The following MIEF1 variants were observed in gnomAD, a reference collection of about 807,000 sequenced individuals.
The protein encoded by MIEF1 is mitochondrial dynamics protein MIEF1.
In MIEF1, 14 loss-of-function variants were observed where a neutral mutation model predicts 35.1. That is an observed-to-expected ratio of 0.40 (90% CI 0.26 to 0.62). The LOEUF (loss-of-function observed/expected upper bound fraction) is 0.62, where lower values mean the gene tolerates loss of function less well. Among genes scored for constraint, MIEF1 ranks in the 20% least tolerant of loss-of-function variants. MIEF1 has a pLI of 0.43. For synonymous variants in MIEF1, 245 were observed against 254.3 expected, an observed-to-expected ratio of 0.96 and a Z score of 0.35; for missense variants, 542 against 615.4, an observed-to-expected ratio of 0.88 and a Z score of 1.26.
At chr22:39,513,100 ATT>A (rs1277790294) in intron 5 of MIEF1, among the ~76,000 whole-genome samples, 20 of 122,180 alleles carry the variant, frequency 1.6e-4, no homozygotes, top group Admixed American at 2.4e-4. Context: ...ACATGAAAGA[ATT>A]TTTTTTTTTT....
At chr22:39,513,282 TA>T (rs1273230388) in intron 5 of MIEF1, among the ~76,000 whole-genome samples, 2 of 152,064 alleles carry the variant, frequency 1.3e-5, no homozygotes, top group African/African-American at 4.8e-5. Flanking sequence ...TTTGTATTTT[TA>T]GTAGGGGATG....
At chr22:39,513,455 A>C (rs1930477012) in intron 5 of MIEF1, 62 bp from the exon 6 acceptor site, 2 of 1,520,876 alleles carry the variant, frequency 1.3e-6, no homozygotes, top group Admixed American at 1.8e-5. Flanking sequence ...GAACCGTCTT[A>C]GAGGAAGCAT....
At position 39,515,511 on chromosome 22, in the gene MIEF1, C is replaced by G; in HGVS notation, c.*1188C>G. On this transcript the variant is annotated 3_prime_UTR_variant, in exon 6 of 6. Coordinates refer to ENST00000325301, the MANE Select transcript of MIEF1 (RefSeq NM_019008.6). ...AAGTGAGCATGCACGGACCTCTTCC[C>G]CCTGTCCTGTTTCTCACCCAGCACC... The G allele has an allele frequency of 1.6e-6, 1 of 608,754 alleles. No homozygotes were observed. Among genetic ancestry groups the G allele is most frequent in the East Asian group, 2.8e-5 (1 of 36,056 alleles). 37.7% of individuals were successfully genotyped at this position (608,754 alleles called of 1,614,324 possible).
chr22:39,506,149 G>A (rs1312869116), intron 2 of MIEF1, among the ~76,000 whole-genome samples: 2 of 152,102 alleles, frequency 1.3e-5, no homozygotes, highest in Admixed American at 6.6e-5. Flanking sequence ...TGGGCTACAC[G>A]CTGCTATCAC....
At position 39,513,972 on chromosome 22, in the gene MIEF1, A is replaced by G. The variant is rs963822079; in HGVS notation, c.1041A>G (p.Ala347=). 3 of 1,613,142 alleles carry G rather than the reference A, an allele frequency of 1.9e-6. No individual in the cohort carries two copies. The highest frequency in any genetic ancestry group is 2.7e-5 in the African/African-American group (2 of 75,040). The change falls in exon 6 of 6, where the codon GCA becomes GCG. Residue 347 remains alanine, a synonymous_variant. Coordinates refer to ENST00000325301, the MANE Select transcript of MIEF1 (RefSeq NM_019008.6). ...WRLSLRPAET[A]RLRALDQADS... Reference sequence around the variant, plus strand: ...TGAGCCTGCGTCCCGCGGAGACGGCACGCCTGCGGGCTCTGGACCAGGCTG... The same window carrying G: ...TGAGCCTGCGTCCCGCGGAGACGGCGCGCCTGCGGGCTCTGGACCAGGCTG...
chr22:39,507,456 A>G (rs1442662675), intron 2 of MIEF1, among the ~76,000 whole-genome samples: 11 of 151,812 alleles, frequency 7.2e-5, no homozygotes, highest in South Asian at 2.1e-4. Flanking sequence ...CGTGTTAGCC[A>G]GGATGGTCTC....
chr22:39,515,178 T>A lies in MIEF1; in HGVS notation c.*855T>A. ...AGGATGGGGACTGCCAGGGCACCACTTCATCATGAATGCTGGTTTTCACAC... is the reference window on the plus strand; with the variant it reads ...AGGATGGGGACTGCCAGGGCACCACATCATCATGAATGCTGGTTTTCACAC... On this transcript the variant is annotated 3_prime_UTR_variant, in exon 6 of 6. Transcript: ENST00000325301. The A allele has an allele frequency of 3.0e-6, 2 of 672,614 alleles. No individual in the cohort carries two copies. The highest frequency in any genetic ancestry group is 3.4e-5 in the South Asian group (2 of 59,542). 41.7% of individuals were successfully genotyped at this position (672,614 alleles called of 1,614,324 possible). A position where few individuals can be genotyped will look rare whatever the true frequency, so the allele number is the denominator to read the frequency against.
intron 2 of MIEF1, among the ~76,000 whole-genome samples, chr22:39,505,602 T>C (rs1297053956): frequency 6.6e-6 from 1 of 152,204 alleles, no homozygotes; most frequent in Non-Finnish European, 1.5e-5. Flanking sequence ...GGACGTTGAC[T>C]CCAAGTTGAG....
At chr22:39,505,459 T>TG (rs974484288) in intron 2 of MIEF1, among the ~76,000 whole-genome samples, 1 of 152,160 alleles carries the variant, frequency 6.6e-6, no homozygotes, top group African/African-American at 2.4e-5. Context: ...CCCAAAGCTT[T>TG]GGGATTATAG....
In MIEF1 at chr22:39,517,216, G is replaced by A. The variant is rs17001257; in HGVS notation, c.*2893G>A. 0.012 allele frequency: 1,956 copies of A among 161,974 alleles called. 51 individuals carry two copies. Among genetic ancestry groups the A allele is most frequent in the African/African-American group, 0.042 (1,727 of 41,598 alleles). The allele number at this position is 161,974 out of a possible 1,614,324, so 10.0% of individuals were successfully genotyped here. On this transcript the variant is annotated 3_prime_UTR_variant, in exon 6 of 6. Transcript: ENST00000325301. ...CCATCAAGGTTAGCAAACTTTATAC[G>A]TAGCCTAACACTTAAAAAATGCACT... is the stretch of plus-strand genomic sequence containing the variant.
In MIEF1 at chr22:39,513,590, G is replaced by A; in HGVS notation, c.659G>A (p.Gly220Asp). ...LEQNLWSCIP[G>D]EDTIMNVPGF... ...CAGAACCTGTGGTCATGTATTCCTG[G>A]TGAAGACACCATCATGAATGTCCCT... The change falls in exon 6 of 6, where the codon GGT becomes GAT. Residue 220 changes from glycine to aspartate, a missense_variant. Physicochemically the swap from Gly to Asp is moderately conservative, Grantham distance 94. Transcript: ENST00000325301. The A allele has an allele frequency of 6.2e-7, 1 of 1,614,200 alleles. No homozygotes were observed. Among genetic ancestry groups the A allele is most frequent in the Non-Finnish European group, 8.5e-7 (1 of 1,180,026 alleles).
In MIEF1 at chr22:39,514,112, A is replaced by AGGAGGAGGCTGACTGGTCTCC; in HGVS notation, c.1185_1205dup (p.Glu395_Pro401dup). The AGGAGGAGGCTGACTGGTCTCC allele has an allele frequency of 6.2e-7, 1 of 1,614,222 alleles. No homozygotes were observed. Among genetic ancestry groups the AGGAGGAGGCTGACTGGTCTCC allele is most frequent in the African/African-American group, 1.3e-5 (1 of 75,062 alleles). On this transcript the variant is annotated inframe_insertion, in exon 6 of 6. Coordinates refer to ENST00000325301, the MANE Select transcript of MIEF1 (RefSeq NM_019008.6). ...ACCAATGTCATCCTCCACTTGGCCC[A>AGGAGGAGGCTGACTGGTCTCC]GGAGGAGGCTGACTGGTCTCCGGAT...
At position 39,514,513 on chromosome 22, in the gene MIEF1, T is replaced by C. The variant is rs1431651459; in HGVS notation, c.*190T>C. The C allele has an allele frequency of 8.0e-6, 5 of 628,618 alleles. No homozygotes were observed. The highest frequency in any genetic ancestry group is 1.4e-5 in the Non-Finnish European group (5 of 366,556). 38.9% of individuals were successfully genotyped at this position (628,618 alleles called of 1,614,324 possible). On this transcript the variant is annotated 3_prime_UTR_variant, in exon 6 of 6. Coordinates refer to ENST00000325301, the MANE Select transcript of MIEF1 (RefSeq NM_019008.6). ...TATTTTGTTACCCAACTCTTCCTATTTTTGTTACCAATCACTGTGCTCTCT... is the reference window on the plus strand; with the variant it reads ...TATTTTGTTACCCAACTCTTCCTATCTTTGTTACCAATCACTGTGCTCTCT...
rs1053937653 is a variant in MIEF1, at chr22:39,515,513, C to T, written c.*1190C>T. ...GTGAGCATGCACGGACCTCTTCCCCCTGTCCTGTTTCTCACCCAGCACCTG... is the reference window on the plus strand; with the variant it reads ...GTGAGCATGCACGGACCTCTTCCCCTTGTCCTGTTTCTCACCCAGCACCTG... On this transcript the variant is annotated 3_prime_UTR_variant, in exon 6 of 6. Coordinates refer to ENST00000325301, the MANE Select transcript of MIEF1 (RefSeq NM_019008.6). 21 of 608,206 alleles carry T rather than the reference C, an allele frequency of 3.5e-5. No individual in the cohort carries two copies. The highest frequency in any genetic ancestry group is 8.7e-4 in the Middle Eastern group (2 of 2,292). 37.7% of individuals were successfully genotyped at this position (608,206 alleles called of 1,614,324 possible).
intron 1 of MIEF1, chr22:39,503,240 A>G (rs1310581019): frequency 6.6e-6 from 1 of 152,154 alleles, no homozygotes; most frequent in Non-Finnish European, 1.5e-5. Context: ...GCCCGCGGGC[A>G]AGTTACTTCC....
At chr22:39,505,019 C>T (rs1417195616) in intron 2 of MIEF1, among the ~76,000 whole-genome samples, 2 of 152,032 alleles carry the variant, frequency 1.3e-5, no homozygotes, top group African/African-American at 4.8e-5. Flanking sequence ...ATGGTGAAAC[C>T]CTGTCTCTAC....
At chr22:39,504,743 T>C in intron 2 of MIEF1, 1 of 219,760 alleles carries the variant, frequency 4.6e-6, no homozygotes, top group Non-Finnish European at 8.9e-6. Context: ...ATTGCACCAC[T>C]GCACTCCAGG....
At chr22:39,500,486 A>C (rs1929652122), upstream of MIEF1, 1 of 150,772 alleles carries the variant, frequency 6.6e-6, no homozygotes, top group Non-Finnish European at 1.5e-5. Flanking sequence ...AGATATGAAG[A>C]GGTCATCTGG....
rs1045845119 is a variant in MIEF1, at chr22:39,514,872, G to C, written c.*549G>C. 3.8e-6 allele frequency: 1 copy of C among 262,760 alleles called. No individual in the cohort carries two copies. The highest frequency in any genetic ancestry group is 5.0e-5 in the Admixed American group (1 of 20,148). 16.3% of individuals were successfully genotyped at this position (262,760 alleles called of 1,614,324 possible). On this transcript the variant is annotated 3_prime_UTR_variant, in exon 6 of 6. Coordinates refer to ENST00000325301, the MANE Select transcript of MIEF1 (RefSeq NM_019008.6). Reference sequence around the variant, plus strand: ...CAGTATTTAGGGTTTCTGGGAGTGAGGCTGGTAGAAGAGTTGGCCTTTGAC... The same window carrying C: ...CAGTATTTAGGGTTTCTGGGAGTGACGCTGGTAGAAGAGTTGGCCTTTGAC...
Sources: allele counts gnomAD v4.1 joint callset (sites outside exome capture counted in the v4.1 genomes callset), GRCh38; gene constraint gnomAD v4.1.1; transcripts MANE v1.5; gene names NCBI Gene and HGNC (gene_info 2026-07-23, HGNC 2026-07-21).